Variants in CACNA1E observed in about 807,000 individuals in gnomAD.
CACNA1E encodes the protein voltage-dependent R-type calcium channel subunit alpha-1E.
Under a neutral mutation model 259.2 loss-of-function variants are expected in CACNA1E, and 40 were observed. The ratio of observed to expected loss-of-function variants is 0.15; its 90% CI spans 0.12 to 0.20. The LOEUF (loss-of-function observed/expected upper bound fraction) is 0.20. Among genes scored for constraint, CACNA1E ranks in the 10% least tolerant of loss-of-function variants. The pLI is 1.00. For synonymous variants in CACNA1E, 1,104 were observed against 1,138.5 expected (o/e 0.97, Z 0.61); for missense variants, 1,874 against 3,040.1 (o/e 0.62, Z 9.02).
At chr1:181,457,661 C>CAT (rs545617302) in intron 2 of CACNA1E, among the ~76,000 whole-genome samples, 81 of 152,324 alleles carry the variant, frequency 5.3e-4, no homozygotes, top group Middle Eastern at 6.8e-3. Flanking sequence ...AGGGAATGTG[C>CAT]ATAGGGGCAA....
chr1:181,379,967 T>TAG (rs1655350519), intron 1 of CACNA1E, among the ~76,000 whole-genome samples: 1 of 130,554 alleles, frequency 7.7e-6, no homozygotes. Context: ...TGTCATAAGA[T>TAG]ATATATATAT....
At chr1:181,723,789 A>C (rs1654631464) in intron 16 of CACNA1E, among the ~76,000 whole-genome samples, 1 of 152,172 alleles carries the variant, frequency 6.6e-6, no homozygotes, top group South Asian at 2.1e-4. Context: ...GATGCAGTTG[A>C]AGAGGGGCAG....
At chr1:181,390,038 TTTTCCCAGGAAGGACTTTCC>T (rs1656142114) in intron 1 of CACNA1E, among the ~76,000 whole-genome samples, 1 of 152,206 alleles carries the variant, frequency 6.6e-6, no homozygotes, top group Non-Finnish European at 1.5e-5. Context: ...CTTGTTTTCC[TTTTCCCAGGAAGGACTTTCC>T]TTCCTGAGAG....
chr1:181,602,892 A>G (rs189033045), intron 6 of CACNA1E, among the ~76,000 whole-genome samples: 3 of 152,124 alleles, frequency 2.0e-5, no homozygotes, highest in Non-Finnish European at 2.9e-5. Flanking sequence ...AGTCCACAAG[A>G]TCCATACTTA....
intron 6 of CACNA1E, among the ~76,000 whole-genome samples, chr1:181,618,232 G>A (rs1482670323): frequency 1.3e-5 from 2 of 152,202 alleles, no homozygotes; most frequent in East Asian, 3.9e-4. Context: ...ATGGTGGTGG[G>A]CATGGCAGAT....
At chr1:181,462,220 T>C (rs1206008090) in intron 2 of CACNA1E, among the ~76,000 whole-genome samples, 1 of 152,242 alleles carries the variant, frequency 6.6e-6, no homozygotes, top group Non-Finnish European at 1.5e-5. Flanking sequence ...TGACCAGTTT[T>C]ATAAATGCAT....
chr1:181,464,339 G>GTT lies in CACNA1E; in HGVS notation c.435-19396_435-19395dup, dbSNP rs397943865. On this transcript the variant is annotated intron_variant, in intron 2 of 11. Coordinates refer to the CACNA1E transcript ENST00000524607. Reference sequence around the variant, plus strand: ...CCATATTTAAGCTACTTCGTTTTTTGTTTTTTTTTTAGTCCCTGGGCATGA... The same window carrying GTT: ...CCATATTTAAGCTACTTCGTTTTTTGTTTTTTTTTTTTAGTCCCTGGGCATGA... 2.8e-3 allele frequency among the ~76,000 whole-genome samples: 415 copies of GTT among 148,152 alleles called. 4 individuals carry two copies. The highest frequency in any genetic ancestry group is 9.0e-3 in the African/African-American group (365 of 40,738).
At chr1:181,635,328 T>C (rs1295905980) in intron 6 of CACNA1E, among the ~76,000 whole-genome samples, 3 of 152,180 alleles carry the variant, frequency 2.0e-5, no homozygotes, top group Admixed American at 1.3e-4. Context: ...GTTGAGATCA[T>C]GAACCCATTT....
intron 6 of CACNA1E, among the ~76,000 whole-genome samples, chr1:181,592,795 G>GCA (rs150144781): frequency 1.1e-4 from 17 of 150,996 alleles, no homozygotes; most frequent in African/African-American, 2.4e-4. Context: ...TCCCATGCAT[G>GCA]CACACACACA....
At chr1:181,705,515 T>A (rs1013359050) in intron 7 of CACNA1E, among the ~76,000 whole-genome samples, 1 of 152,200 alleles carries the variant, frequency 6.6e-6, no homozygotes, top group Non-Finnish European at 1.5e-5. Context: ...ACCCAAACCT[T>A]GCATACATAT....
chr1:181,698,272 C>T (rs1651903568), intron 7 of CACNA1E, among the ~76,000 whole-genome samples: 1 of 152,184 alleles, frequency 6.6e-6, no homozygotes, highest in Non-Finnish European at 1.5e-5. Flanking sequence ...GTTAATATTT[C>T]AAGGTCACAA....
chr1:181,436,514 T>A (rs1260191272), intron 2 of CACNA1E, among the ~76,000 whole-genome samples: 1 of 152,236 alleles, frequency 6.6e-6, no homozygotes, highest in African/African-American at 2.4e-5. Flanking sequence ...GTATACACAA[T>A]GAAATACTTT....
intron 3 of CACNA1E, among the ~76,000 whole-genome samples, chr1:181,554,795 A>C (rs1406985016): frequency 6.6e-6 from 1 of 152,136 alleles, no homozygotes; most frequent in East Asian, 1.9e-4. Context: ...CTCAGGTTTT[A>C]AGGCCTCTGT....
At chr1:181,678,161 G>A (rs753107958) in intron 7 of CACNA1E, among the ~76,000 whole-genome samples, 18 of 152,200 alleles carry the variant, frequency 1.2e-4, no homozygotes, top group Non-Finnish European at 2.5e-4. Context: ...CCCAGCATGA[G>A]GGCTCTAGTG....
chr1:181,503,970 A>G (rs1665486333), intron 1 of CACNA1E, among the ~76,000 whole-genome samples: 1 of 152,162 alleles, frequency 6.6e-6, no homozygotes, highest in African/African-American at 2.4e-5. Flanking sequence ...CATATGTAAA[A>G]TGTCTATTTG....
intron 25 of CACNA1E, among the ~76,000 whole-genome samples, chr1:181,749,438 T>G (rs1657395050): frequency 6.6e-6 from 1 of 152,194 alleles, no homozygotes; most frequent in South Asian, 2.1e-4. Context: ...CACTGTGCTG[T>G]TTGACAGAAC....
chr1:181,702,535 A>G (rs1376463685), intron 7 of CACNA1E, among the ~76,000 whole-genome samples: 1 of 152,194 alleles, frequency 6.6e-6, no homozygotes, highest in Admixed American at 6.5e-5. Flanking sequence ...TCAAATCTTT[A>G]TAGGGTATCT....
intron 3 of CACNA1E, among the ~76,000 whole-genome samples, chr1:181,561,011 C>T (rs757934039): frequency 6.6e-6 from 1 of 152,110 alleles, no homozygotes; most frequent in Non-Finnish European, 1.5e-5. Flanking sequence ...CTATGTGATT[C>T]CACTCATATT....
At chr1:181,406,169 C>G (rs1272267945) in intron 1 of CACNA1E, among the ~76,000 whole-genome samples, 1 of 152,234 alleles carries the variant, frequency 6.6e-6, no homozygotes, top group Non-Finnish European at 1.5e-5. Flanking sequence ...AGAGCAGAGT[C>G]TCTCTTTCCC....
Sources: gnomAD v4.1 joint callset for allele counts (sites outside exome capture counted in the v4.1 genomes callset) on GRCh38, gnomAD v4.1.1 for gene constraint, MANE v1.5 for transcripts, NCBI Gene and HGNC (gene_info 2026-07-23, HGNC 2026-07-21) for gene names.